SYT4: variants seen among roughly 807,000 people sequenced by gnomAD.
The protein encoded by SYT4 is synaptotagmin 4, also known as synaptotagmin-4.
Under a neutral mutation model 32.9 loss-of-function variants are expected in SYT4, and 7 were observed. That is an observed-to-expected ratio of 0.21 (90% CI 0.12 to 0.40). The LOEUF is 0.40. SYT4 is among the 10% of genes least tolerant of loss of function. The pLI is 1.00. For missense variants in SYT4, 480 were observed against 488.0 expected (o/e 0.98, Z 0.16); for synonymous variants, 205 against 186.2 (o/e 1.10, Z -0.82).
Position 43,269,291 on chromosome 18 carries a change from C to T in SYT4, c.*1050G>A, listed in dbSNP as rs1433202025. ...GCTCTTGAACGATTTTGTAGTCTTA[C>T]ATTTGTTTGTTGGTTAAGTAACACT... On this transcript the variant is annotated 3_prime_UTR_variant, in exon 4 of 4. Transcript: ENST00000255224. 1 of 152,144 alleles carries T rather than the reference C, an allele frequency of 6.6e-6. No individual in the cohort carries two copies. The highest frequency in any genetic ancestry group is 1.9e-4 in the East Asian group (1 of 5,196). The allele number at this position is 152,144 out of a possible 1,614,324, so 9.4% of individuals were successfully genotyped here.
intron 3 of SYT4, 134 bp downstream of exon 3, chr18:43,271,578 A>C: frequency 2.4e-6 from 3 of 1,225,082 alleles, no homozygotes; most frequent in Non-Finnish European, 1.1e-6. Flanking sequence ...TAGTCATAAA[A>C]CTAAAAGCTA....
Position 43,277,334 on chromosome 18 carries a change from T to G in SYT4, c.-53A>C. ...CTGAAGGGAAAACTGCCTGGCTGGA[T>G]TCACTTGCCTGGATCTCAAGCGCCG... On this transcript the variant is annotated 5_prime_UTR_variant, in exon 1 of 4. Transcript: ENST00000255224. The G allele has an allele frequency of 3.7e-6, 6 of 1,610,504 alleles. No individual in the cohort carries two copies. The highest frequency in any genetic ancestry group is 5.1e-6 in the Non-Finnish European group (6 of 1,176,968).
Position 43,269,423 on chromosome 18 carries a change from G to C in SYT4, c.*918C>G, listed in dbSNP as rs1051076783. On this transcript the variant is annotated 3_prime_UTR_variant, in exon 4 of 4. Transcript: ENST00000255224. ...AGACTTAGGTGGCCATGCCGACTCTGGGTACAAACGATGGCCTTAAAAGTA... is the reference window on the plus strand; with the variant it reads ...AGACTTAGGTGGCCATGCCGACTCTCGGTACAAACGATGGCCTTAAAAGTA... 1 of 152,236 alleles carries C rather than the reference G, an allele frequency of 6.6e-6. No individual in the cohort carries two copies. The highest frequency in any genetic ancestry group is 1.5e-5 in the Non-Finnish European group (1 of 68,030). The allele number at this position is 152,236 out of a possible 1,614,324, so 9.4% of individuals were successfully genotyped here. A position where few individuals can be genotyped will look rare whatever the true frequency, so the allele number is the denominator to read the frequency against.
Position 43,270,510 on chromosome 18 carries a change from A to G in SYT4, c.1109T>C (p.Ile370Thr), listed in dbSNP as rs1293256717. Residue 370 changes from isoleucine to threonine, a missense_variant, in exon 4 of 4, where the codon ATA becomes ACA. Ile to Thr is a moderately conservative substitution (Grantham distance 89, BLOSUM62 -1). Transcript: ENST00000255224. ...FDIPCEGLED[I>T]SVEFLVLDSE... The stretch of plus-strand genomic sequence containing the variant: ...ATCCAAAACCAAAAATTCAACACTT[A>G]TATCTTCAAGGCCCTCACAAGGAAT... 2.5e-6 allele frequency: 4 copies of G among 1,613,942 alleles called. No individual in the cohort carries two copies. The highest frequency in any genetic ancestry group is 1.7e-6 in the Non-Finnish European group (2 of 1,179,996).
rs1392584764 is a variant in SYT4 at position 43,274,380 on chromosome 18, C to T, written c.49G>A (p.Val17Met). 2.5e-6 allele frequency: 4 copies of T among 1,588,362 alleles called. No homozygotes were observed. The Admixed American group carries it at 7.4e-5, about 29-fold the overall frequency. ...CCAAATGCACTGAAGATCCCCACCA[C>T]TGTGGGGATTTCATCTGAAAAATCA... ...SREEFDEIPT[V>M]VGIFSAFGLV... The change falls in exon 2 of 4, where the codon GTG becomes ATG. Residue 17 changes from valine to methionine, a missense_variant. Physicochemically the swap from Val to Met is conservative, Grantham distance 21. Transcript: ENST00000255224.
Position 43,270,415 on chromosome 18 carries a change from C to T in SYT4, c.1204G>A (p.Gly402Arg), listed in dbSNP as rs758822458. The change falls in exon 4 of 4, where the codon GGA (glycine) becomes AGA (arginine). Residue 402 changes from glycine to arginine, a missense_variant. By Grantham distance (125) the Gly-to-Arg change is moderately radical. Transcript: ENST00000255224. ...VLGAAAEGTG[G>R]EHWKEICDYP... is the part of the protein sequence containing the mutation. ...TCACAGATCTCTTTCCAGTGCTCTCCACCAGTTCCTTCTGCTGCTGCACCC... is the reference window on the plus strand; with the variant it reads ...TCACAGATCTCTTTCCAGTGCTCTCTACCAGTTCCTTCTGCTGCTGCACCC... 3.1e-6 allele frequency: 5 copies of T among 1,614,104 alleles called. No individual in the cohort carries two copies. Among genetic ancestry groups the T allele is most frequent in the East Asian group, 4.5e-5 (2 of 44,876 alleles).
At position 43,268,408 on chromosome 18, in the gene SYT4, T is replaced by C. The variant is rs573874481; in HGVS notation, c.*1933A>G. ...GTTTGTTGTTGGTTTCATTGTTCCA[T>C]GTTAAAAAAAAAAAAATCGGCCTCG... On this transcript the variant is annotated 3_prime_UTR_variant, in exon 4 of 4. Transcript: ENST00000255224. The C allele has an allele frequency of 9.2e-5, 2 of 21,716 alleles. No homozygotes were observed. Among genetic ancestry groups the C allele is most frequent in the Non-Finnish European group, 2.0e-4 (1 of 4,986 alleles). The allele number at this position is 21,716 out of a possible 1,614,324, so 1.3% of individuals were successfully genotyped here.
chr18:43,272,770 A>G (rs1359662670), intron 2 of SYT4, among the ~76,000 whole-genome samples: 5 of 152,172 alleles, frequency 3.3e-5, no homozygotes, highest in Non-Finnish European at 7.4e-5. Context: ...TGTGGAATGT[A>G]TCTGAACCTT....
intron 2 of SYT4, chr18:43,272,134 AT>A: frequency 5.7e-6 from 1 of 174,068 alleles, no homozygotes. Context: ...ACACAGGATT[AT>A]TTTTGGCTTT....
chr18:43,274,385 G>T lies in SYT4; in HGVS notation c.44C>A (p.Pro15His). 1 of 1,586,158 alleles carries T rather than the reference G, an allele frequency of 6.3e-7. No individual in the cohort carries two copies. The highest frequency in any genetic ancestry group is 8.5e-7 in the Non-Finnish European group (1 of 1,173,592). ...TTSREEFDEI[P>H]TVVGIFSAFG... ...TGCACTGAAGATCCCCACCACTGTG[G>T]GGATTTCATCTGAAAAATCAAATGA... Residue 15 changes from proline to histidine, a missense_variant, in exon 2 of 4, where the codon CCC (proline) becomes CAC (histidine). Pro to His is a moderately conservative substitution (Grantham distance 77, BLOSUM62 -2). Transcript: ENST00000255224.
intron 2 of SYT4, 114 bp from the exon 3 acceptor site, chr18:43,271,946 T>G: frequency 2.6e-6 from 3 of 1,171,612 alleles, no homozygotes; most frequent in Non-Finnish European, 3.4e-6. Context: ...TTATTTTTAT[T>G]TTAATATTCT....
chr18:43,271,392 C>T (rs1216369101), intron 3 of SYT4, among the ~76,000 whole-genome samples: 1 of 152,208 alleles, frequency 6.6e-6, no homozygotes, highest in East Asian at 1.9e-4. Context: ...CAAGGCCCCT[C>T]AGGATGAGTA....
At position 43,271,778 on chromosome 18, in the gene SYT4, T is replaced by C; in HGVS notation, c.904A>G (p.Asn302Asp). The part of the protein sequence containing the change: ...LISLCYQSTT[N>D]TLTVVVLKAR... ...TTTAAGACAACCACAGTTAGAGTGT[T>C]TGTGGTGGACTGATAGCAGAGAGAG... Residue 302 changes from asparagine to aspartate, a missense_variant, in exon 3 of 4, where the codon AAC becomes GAC. Asn to Asp is a conservative substitution (Grantham distance 23). Transcript: ENST00000255224. 6.2e-7 allele frequency: 1 copy of C among 1,613,328 alleles called. No individual in the cohort carries two copies. The highest frequency in any genetic ancestry group is 8.5e-7 in the Non-Finnish European group (1 of 1,179,386).
rs755116039 is a variant in SYT4, at chr18:43,270,393, C to T, written c.1226G>A (p.Cys409Tyr). The change falls in exon 4 of 4, where the codon TGT becomes TAT. Residue 409 changes from cysteine (C) to tyrosine (Y), a missense_variant. By Grantham distance (194) the Cys-to-Tyr change is radical. Transcript: ENST00000255224. Reference protein sequence around the residue: ...GTGGEHWKEICDYPRRQIAKW... With the variant: ...GTGGEHWKEIYDYPRRQIAKW... The stretch of plus-strand genomic sequence containing the variant: ...GGCAATTTGTCTCCTGGGGTAGTCA[C>T]AGATCTCTTTCCAGTGCTCTCCACC... The T allele has an allele frequency of 6.2e-7, 1 of 1,614,116 alleles. No homozygotes were observed. Among genetic ancestry groups the T allele is most frequent in the Non-Finnish European group, 8.5e-7 (1 of 1,179,962 alleles).
chr18:43,271,294 CT>C (rs1239607522), intron 3 of SYT4, among the ~76,000 whole-genome samples: 3 of 151,998 alleles, frequency 2.0e-5, no homozygotes, highest in Non-Finnish European at 4.4e-5. Flanking sequence ...ACAATCTAAT[CT>C]TTTAAGACCA....
intron 2 of SYT4, among the ~76,000 whole-genome samples, chr18:43,273,236 C>T (rs1443468150): frequency 2.0e-5 from 3 of 152,032 alleles, no homozygotes; most frequent in Non-Finnish European, 4.4e-5. Flanking sequence ...TCTTTGTTAA[C>T]TTGCTTATGA....
At position 43,277,321 on chromosome 18, in the gene SYT4, C is replaced by G; in HGVS notation, c.-40G>C. ...TCTGTCCGAGGTGCTGAAGGGAAAA[C>G]TGCCTGGCTGGATTCACTTGCCTGG... On this transcript the variant is annotated 5_prime_UTR_variant, in exon 1 of 4. Transcript: ENST00000255224. 6.2e-7 allele frequency: 1 copy of G among 1,613,662 alleles called. No homozygotes were observed. Among genetic ancestry groups the G allele is most frequent in the Non-Finnish European group, 8.5e-7 (1 of 1,179,676 alleles).
rs536627518 is a variant in SYT4 at position 43,268,223 on chromosome 18, G to C, written c.*2118C>G. The C allele has an allele frequency of 6.6e-6, 1 of 152,494 alleles. No homozygotes were observed. Among genetic ancestry groups the C allele is most frequent in the Non-Finnish European group, 1.5e-5 (1 of 67,988 alleles). The allele number at this position is 152,494 out of a possible 1,614,324, so 9.4% of individuals were successfully genotyped here. ...ACATTTTCAGAAATGATGAAATTAG[G>C]TATTAAGATCTCCCTGCCTGTTTCA... On this transcript the variant is annotated 3_prime_UTR_variant, in exon 4 of 4. Transcript: ENST00000255224.
Position 43,270,044 on chromosome 18 carries a change from T to G in SYT4, c.*297A>C, listed in dbSNP as rs908025429. 10 of 328,154 alleles carry G rather than the reference T, an allele frequency of 3.0e-5. No homozygotes were observed. The highest frequency in any genetic ancestry group is 2.8e-5 in the Non-Finnish European group (5 of 179,056). 20.3% of individuals were successfully genotyped at this position (328,154 alleles called of 1,614,324 possible). A position where few individuals can be genotyped will look rare whatever the true frequency, so the allele number is the denominator to read the frequency against. The stretch of plus-strand genomic sequence containing the variant: ...CCAATGAGATTGTCACATTTATAAT[T>G]TGGGATTCTGGCACAGTATTCATAA... On this transcript the variant is annotated 3_prime_UTR_variant, in exon 4 of 4. Coordinates refer to ENST00000255224, the MANE Select transcript of SYT4 (RefSeq NM_020783.4).
Sources: allele counts gnomAD v4.1 joint callset (sites outside exome capture counted in the v4.1 genomes callset), GRCh38; gene constraint gnomAD v4.1.1; transcripts MANE v1.5; gene names NCBI Gene and HGNC (gene_info 2026-07-23, HGNC 2026-07-21).